Variants in ZNF607 observed in about 807,000 individuals in gnomAD.
The protein encoded by ZNF607 is zinc finger protein 607.
A neutral mutation model predicts 12.8 loss-of-function variants in ZNF607; 5 were observed. The ratio of observed to expected loss-of-function variants is 0.39; its 90% CI spans 0.20 to 0.82. The LOEUF (loss-of-function observed/expected upper bound fraction) is 0.82. ZNF607 is among the 40% of genes least tolerant of loss of function. ZNF607 has a pLI of 0.39. For synonymous variants in ZNF607, 287 were observed against 276.2 expected (o/e 1.04, Z -0.39); for missense variants, 851 against 859.2 (o/e 0.99, Z 0.12).
intron 1 of ZNF607, among the ~76,000 whole-genome samples, chr19:37,715,936 T>C (rs1472245091): frequency 6.6e-6 from 1 of 152,216 alleles, no homozygotes; most frequent in Non-Finnish European, 1.5e-5. Context: ...AAACTACTAA[T>C]TCTGAGAGGA....
At chr19:37,705,061 G>T (rs2045069850) in intron 4 of ZNF607, among the ~76,000 whole-genome samples, 1 of 151,068 alleles carries the variant, frequency 6.6e-6, no homozygotes, top group East Asian at 1.9e-4. Flanking sequence ...ATAATCATCA[G>T]AAAAAATAAT....
rs540787733 is a variant in ZNF607 at position 37,697,728 on chromosome 19, C to T, written c.*312G>A. On this transcript the variant is annotated 3_prime_UTR_variant, in exon 5 of 5. Transcript: ENST00000355202. ...TGCAAGTATAAAGAATGGTTTCCTA[C>T]GTTTTCTCAGTTTTCCTCTACTGTG... 141 of 307,340 alleles carry T rather than the reference C, an allele frequency of 4.6e-4. 1 individual carries two copies. The highest frequency in any genetic ancestry group is 3.4e-3 in the Admixed American group (73 of 21,770). 19.0% of individuals were successfully genotyped at this position (307,340 alleles called of 1,614,324 possible). A position where few individuals can be genotyped will look rare whatever the true frequency, so the allele number is the denominator to read the frequency against.
intron 2 of ZNF607, among the ~76,000 whole-genome samples, chr19:37,710,466 C>CA (rs74174482): frequency 1.6e-3 from 64 of 40,032 alleles, no homozygotes; most frequent in East Asian, 0.011. Flanking sequence ...AACTCCATCT[C>CA]AAAAAAAAAA....
chr19:37,711,669 G>C lies in ZNF607; in HGVS notation c.-51C>G, dbSNP rs756749164. 4.4e-6 allele frequency: 7 copies of C among 1,604,974 alleles called. No homozygotes were observed. The highest frequency in any genetic ancestry group is 6.0e-6 in the Non-Finnish European group (7 of 1,172,204). On this transcript the variant is annotated 5_prime_UTR_variant, in exon 2 of 5. Coordinates refer to ENST00000355202, the MANE Select transcript of ZNF607 (RefSeq NM_032689.5). ...AGTCCTTGGCGTTTCTCTACCAGAA[G>C]AGCAAAGTCAAAAGAACCAAGACCT...
rs947796324 is a variant in ZNF607 at position 37,719,677 on chromosome 19, A to T, written c.-483T>A. The T allele has an allele frequency of 2.0e-5, 3 of 152,372 alleles. No individual in the cohort carries two copies. The highest frequency in any genetic ancestry group is 7.2e-5 in the African/African-American group (3 of 41,478). The allele number at this position is 152,372 out of a possible 1,614,324, so 9.4% of individuals were successfully genotyped here. A position where few individuals can be genotyped will look rare whatever the true frequency, so the allele number is the denominator to read the frequency against. Reference sequence around the variant, plus strand: ...GGTGAGAAATGGAGTCCAGAATCCTAAAAACCTACGAGAAATACGGCAGCG... The same window carrying T: ...GGTGAGAAATGGAGTCCAGAATCCTTAAAACCTACGAGAAATACGGCAGCG... On this transcript the variant is annotated 5_prime_UTR_variant, in exon 1 of 5. Coordinates refer to ENST00000355202, the MANE Select transcript of ZNF607 (RefSeq NM_032689.5).
intron 3 of ZNF607, among the ~76,000 whole-genome samples, chr19:37,708,372 T>A (rs1377213648): frequency 2.0e-5 from 3 of 151,362 alleles, no homozygotes; most frequent in Non-Finnish European, 2.9e-5. Context: ...ATTTTTGTAT[T>A]TTTAGTAGAA....
At chr19:37,701,369 C>T (rs1050152960) in intron 4 of ZNF607, among the ~76,000 whole-genome samples, 2 of 152,318 alleles carry the variant, frequency 1.3e-5, no homozygotes, top group Non-Finnish European at 1.5e-5. Context: ...ATTACCTACT[C>T]CACCCTAAAT....
intron 1 of ZNF607, 113 bp from the exon 2 acceptor site, chr19:37,711,805 A>C (rs994935737): frequency 3.5e-6 from 2 of 567,360 alleles, no homozygotes; most frequent in African/African-American, 3.7e-5. Context: ...CTCCTCTCAC[A>C]TACAATTTGG....
At position 37,698,956 on chromosome 19, in the gene ZNF607, G is replaced by T. The variant is rs1397761721; in HGVS notation, c.1175C>A (p.Pro392His). 1 of 1,613,690 alleles carries T rather than the reference G, an allele frequency of 6.2e-7. No individual in the cohort carries two copies. The highest frequency in any genetic ancestry group is 8.5e-7 in the Non-Finnish European group (1 of 1,179,958). ...RHQGIHSGKK[P>H]YECNKCGKSF... ...CTTCCCACATTTGTTACATTCATAGGGTTTCTTACCACTATGAATACCCTG... is the reference window on the plus strand; with the variant it reads ...CTTCCCACATTTGTTACATTCATAGTGTTTCTTACCACTATGAATACCCTG... Residue 392 changes from proline (P) to histidine (H), a missense_variant, in exon 5 of 5, where the codon CCC (proline) becomes CAC (histidine). Pro to His is a moderately conservative substitution (Grantham distance 77). Coordinates refer to ENST00000355202, the MANE Select transcript of ZNF607 (RefSeq NM_032689.5).
Position 37,698,943 on chromosome 19 carries a change from G to A in ZNF607, c.1188C>T (p.Asn396=). The A allele has an allele frequency of 6.2e-7, 1 of 1,613,948 alleles. No homozygotes were observed. The highest frequency in any genetic ancestry group is 8.5e-7 in the Non-Finnish European group (1 of 1,179,970). Residue 396 remains asparagine (N), a synonymous_variant, in exon 5 of 5, where the codon AAC becomes AAT. Transcript: ENST00000355202. ...TGAGCCTAAAGGACTTCCCACATTT[G>A]TTACATTCATAGGGTTTCTTACCAC... The part of the protein sequence containing the change: ...IHSGKKPYEC[N]KCGKSFRLNS...
chr19:37,715,487 T>A (rs988672992), intron 1 of ZNF607, among the ~76,000 whole-genome samples: 2 of 151,184 alleles, frequency 1.3e-5, no homozygotes, highest in East Asian at 4.0e-4. Context: ...ATGCCTGTAA[T>A]CCCAGCTACT....
Position 37,699,026 on chromosome 19 carries a change from C to T in ZNF607, c.1105G>A (p.Glu369Lys), listed in dbSNP as rs1201119091. 1 of 1,613,832 alleles carries T rather than the reference C, an allele frequency of 6.2e-7. No homozygotes were observed. Among genetic ancestry groups the T allele is most frequent in the African/African-American group, 1.3e-5 (1 of 74,858 alleles). ...ESVEKPYKCE[E>K]CGKAFSVHGR... is the part of the protein sequence containing the mutation. ...TGCACACTAAAGGCTTTCCCACATT[C>T]CTCACACTTATAAGGTTTCTCAACA... is the stretch of plus-strand genomic sequence containing the variant. Residue 369 changes from glutamate (E) to lysine (K), a missense_variant, in exon 5 of 5, where the codon GAA becomes AAA. By Grantham distance (56) the Glu-to-Lys change is moderately conservative. Transcript: ENST00000355202.
At chr19:37,719,187 A>C (rs1469047013) in intron 1 of ZNF607, 82 bp downstream of exon 1, 1 of 153,368 alleles carries the variant, frequency 6.5e-6, no homozygotes, top group African/African-American at 2.4e-5. Context: ...CCAAGGGTCA[A>C]TAGACCCCAC....
Position 37,696,708 on chromosome 19 carries a change from A to G in ZNF607, c.*1332T>C, listed in dbSNP as rs2044977674. ...AGAGCTGGTATGCAATGTCTTCTGC[A>G]GCTTCCAGCTTGCACAGCTCGCTCT... On this transcript the variant is annotated 3_prime_UTR_variant, in exon 5 of 5. Transcript: ENST00000355202. 2 of 804,204 alleles carry G rather than the reference A, an allele frequency of 2.5e-6. No individual in the cohort carries two copies. The highest frequency in any genetic ancestry group is 2.7e-4 in the Middle Eastern group (1 of 3,640). The allele number at this position is 804,204 out of a possible 1,614,324, so 49.8% of individuals were successfully genotyped here. A position where few individuals can be genotyped will look rare whatever the true frequency, so the allele number is the denominator to read the frequency against.
rs1397761721 is a variant in ZNF607, at chr19:37,698,956, G to A, written c.1175C>T (p.Pro392Leu). The change falls in exon 5 of 5, where the codon CCC becomes CTC. Residue 392 changes from proline (P) to leucine (L), a missense_variant. Physicochemically the swap from Pro to Leu is moderately conservative, Grantham distance 98. Coordinates refer to ENST00000355202, the MANE Select transcript of ZNF607 (RefSeq NM_032689.5). ...CTTCCCACATTTGTTACATTCATAG[G>A]GTTTCTTACCACTATGAATACCCTG... ...RHQGIHSGKK[P>L]YECNKCGKSF... The A allele has an allele frequency of 2.5e-6, 4 of 1,613,690 alleles. No homozygotes were observed. The highest frequency in any genetic ancestry group is 1.7e-5 in the Admixed American group (1 of 59,958).
chr19:37,710,029 C>G (rs2038222179), intron 2 of ZNF607, among the ~76,000 whole-genome samples: 1 of 152,146 alleles, frequency 6.6e-6, no homozygotes, highest in Non-Finnish European at 1.5e-5. Context: ...GTGGCGCATG[C>G]CTGCACTCCC....
intron 1 of ZNF607, among the ~76,000 whole-genome samples, chr19:37,712,286 C>G (rs535396171): frequency 6.6e-6 from 1 of 152,008 alleles, no homozygotes; most frequent in Non-Finnish European, 1.5e-5. Flanking sequence ...TCAGACTGAC[C>G]AATACATTTA....
rs7245981 is a variant in ZNF607, at chr19:37,696,682, G to A, written c.*1358C>T. 0.053 allele frequency: 38,275 copies of A among 725,364 alleles called. 1,376 individuals are homozygous for A. The highest frequency in any genetic ancestry group is 0.13 in the African/African-American group (7,614 of 57,168). 44.9% of individuals were successfully genotyped at this position (725,364 alleles called of 1,614,324 possible). A position where few individuals can be genotyped will look rare whatever the true frequency, so the allele number is the denominator to read the frequency against. ...CAGGCAGGTGATGTTCCGAGAGCAT[G>A]AGAGCTGGTATGCAATGTCTTCTGC... On this transcript the variant is annotated 3_prime_UTR_variant, in exon 5 of 5. Transcript: ENST00000355202.
At chr19:37,713,447 T>C (rs2045148659) in intron 1 of ZNF607, among the ~76,000 whole-genome samples, 1 of 152,062 alleles carries the variant, frequency 6.6e-6, no homozygotes, top group South Asian at 2.1e-4. Flanking sequence ...ATTTTTTTTT[T>C]TTTTTTGAGG....
Sources: allele counts gnomAD v4.1 joint callset (sites outside exome capture counted in the v4.1 genomes callset), GRCh38; gene constraint gnomAD v4.1.1; transcripts MANE v1.5; gene names NCBI Gene and HGNC (gene_info 2026-07-23, HGNC 2026-07-21).